Variants in PRPF18 observed in about 807,000 individuals in gnomAD.
The protein encoded by PRPF18 is pre-mRNA-splicing factor 18.
Under a neutral mutation model 46.5 loss-of-function variants are expected in PRPF18, and 38 were observed. The observed-to-expected ratio is 0.82, with a 90% CI of 0.63 to 1.07. The LOEUF (loss-of-function observed/expected upper bound fraction) is 1.07. Among genes scored for constraint, PRPF18 ranks in the 50% least tolerant of loss-of-function variants. The pLI is 0.00. For synonymous variants in PRPF18, 152 were observed against 146.7 expected (o/e 1.04, Z -0.26); for missense variants, 263 against 410.0 (o/e 0.64, Z 3.10).
chr10:13,620,884 G>T (rs1441056719), intron 9 of PRPF18, among the ~76,000 whole-genome samples: 2 of 152,148 alleles, frequency 1.3e-5, no homozygotes, highest in Admixed American at 6.5e-5. Context: ...CCACAAGGAG[G>T]GTTCTCTCCA....
In PRPF18 at chr10:13,605,732, A is replaced by G. The variant is rs1470462120; in HGVS notation, c.351A>G (p.Pro117=). Reference sequence around the variant, plus strand: ...TAAGGAAAATAGAGATCCTCACACCAGAAGTTAACAAGGTAAGAGGACAGA... The same window carrying G: ...TAAGGAAAATAGAGATCCTCACACCGGAAGTTAACAAGGTAAGAGGACAGA... ...QRLRKIEILT[P]EVNKGLRNDL... Residue 117 remains proline, a synonymous_variant, in exon 4 of 10, where the codon CCA becomes CCG. Coordinates refer to ENST00000378572, the MANE Select transcript of PRPF18 (RefSeq NM_003675.4). 1.2e-6 allele frequency: 2 copies of G among 1,612,878 alleles called. No homozygotes were observed. Among genetic ancestry groups the G allele is most frequent in the South Asian group, 1.1e-5 (1 of 90,844 alleles).
At chr10:13,652,330 T>C in the PRPF18 span, 6 of 302,942 alleles carry the variant, frequency 2.0e-5, 1 homozygote, top group East Asian at 1.6e-4. Context: ...CTTAAGTGCA[T>C]AGGACCCTGA....
chr10:13,651,283 C>G, the PRPF18 span: 2 of 152,508 alleles, frequency 1.3e-5, no homozygotes, highest in Admixed American at 1.3e-4. Context: ...ACAGCTGTTA[C>G]TCAAGAATGC....
chr10:13,618,617 A>G (rs2080379655), intron 9 of PRPF18, among the ~76,000 whole-genome samples: 3 of 94,866 alleles, frequency 3.2e-5, no homozygotes, highest in African/African-American at 4.5e-5. Flanking sequence ...GACCCTGTCA[A>G]AAAAAAAAAA....
chr10:13,650,341 A>G, the PRPF18 span, among the ~76,000 whole-genome samples: 1 of 152,128 alleles, frequency 6.6e-6, no homozygotes, highest in African/African-American at 2.4e-5. Context: ...ATCCTGTCTT[A>G]CCTGGTCTGG....
intron 6 of PRPF18, among the ~76,000 whole-genome samples, chr10:13,613,421 T>TAATACA (rs113230755): frequency 1.3e-5 from 2 of 151,740 alleles, no homozygotes; most frequent in Non-Finnish European, 2.9e-5. Flanking sequence ...TTTATGTATA[T>TAATACA]AATACAAATA....
At chr10:13,597,307 T>C (rs2080049821) in intron 1 of PRPF18, 151 bp from the exon 2 acceptor site, 1 of 563,442 alleles carries the variant, frequency 1.8e-6, no homozygotes, top group Admixed American at 3.4e-5. Flanking sequence ...GGAATCAATG[T>C]ATTCATCTCT....
chr10:13,590,825 TC>T (rs965901021), intron 1 of PRPF18, among the ~76,000 whole-genome samples: 1 of 152,148 alleles, frequency 6.6e-6, no homozygotes, highest in Non-Finnish European at 1.5e-5. Context: ...CCTGGTCTGT[TC>T]CTACTTCAGA....
intron 6 of PRPF18, among the ~76,000 whole-genome samples, chr10:13,612,742 C>T (rs922335309): frequency 2.6e-5 from 4 of 151,298 alleles, no homozygotes; most frequent in South Asian, 2.1e-4. Flanking sequence ...ATCAACCTCC[C>T]GAGTGGTAGG....
At chr10:13,621,335 G>A (rs2080417140) in intron 9 of PRPF18, among the ~76,000 whole-genome samples, 1 of 152,194 alleles carries the variant, frequency 6.6e-6, no homozygotes, top group Non-Finnish European at 1.5e-5. Flanking sequence ...GGACTGGAAG[G>A]CATTTTGTAG....
downstream of PRPF18, among the ~76,000 whole-genome samples, chr10:13,633,237 C>T (rs185626851): frequency 7.9e-5 from 12 of 152,292 alleles, no homozygotes; most frequent in African/African-American, 9.6e-5. Context: ...AGGCAGCTGT[C>T]GCTAAGAATG....
At chr10:13,615,272 A>G (rs1023627750) in intron 8 of PRPF18, among the ~76,000 whole-genome samples, 1 of 152,242 alleles carries the variant, frequency 6.6e-6, no homozygotes, top group Non-Finnish European at 1.5e-5. Context: ...ACATATCAGA[A>G]CTAAGTGCAA....
chr10:13,651,180 T>G, the PRPF18 span: 4 of 152,284 alleles, frequency 2.6e-5, no homozygotes, highest in Admixed American at 2.6e-4. Context: ...GGAGACTAGC[T>G]TTCTAACGAG....
intron 1 of PRPF18, among the ~76,000 whole-genome samples, chr10:13,596,381 A>G (rs2080035325): frequency 6.6e-6 from 1 of 152,154 alleles, no homozygotes; most frequent in Admixed American, 6.5e-5. Context: ...ATTGGGTTCA[A>G]ATGGTGGCAG....
chr10:13,591,590 T>C, intron 1 of PRPF18: 1 of 679,352 alleles, frequency 1.5e-6, no homozygotes, highest in South Asian at 1.6e-5. Context: ...AATCTTGTGC[T>C]GCTCTGTAAT....
intron 4 of PRPF18, among the ~76,000 whole-genome samples, chr10:13,607,394 T>C (rs1466015832): frequency 1.3e-5 from 2 of 152,232 alleles, no homozygotes; most frequent in East Asian, 3.8e-4. Flanking sequence ...ATTGAATCTT[T>C]TGCTGAACAG....
At chr10:13,643,524 T>A in the PRPF18 span, 1 of 152,454 alleles carries the variant, frequency 6.6e-6, no homozygotes, top group African/African-American at 2.4e-5. Context: ...GGAATTCACC[T>A]CAGCTGAACA....
chr10:13,654,378 C>T, the PRPF18 span: 930 of 1,289,268 alleles, frequency 7.2e-4, 4 homozygotes, highest in African/African-American at 0.011. Context: ...GACACTCTTT[C>T]GAGCTGACAC....
intron 1 of PRPF18, among the ~76,000 whole-genome samples, chr10:13,595,898 CT>C (rs1424188786): frequency 1.3e-5 from 2 of 152,262 alleles, no homozygotes; most frequent in African/African-American, 4.8e-5. Flanking sequence ...TATCCTTCCC[CT>C]GAAACATGCA....
Sources: allele counts gnomAD v4.1 joint callset (sites outside exome capture counted in the v4.1 genomes callset), GRCh38; gene constraint gnomAD v4.1.1; transcripts MANE v1.5; gene names NCBI Gene and HGNC (gene_info 2026-07-23, HGNC 2026-07-21).